The following SLC25A26 variants were observed in gnomAD, a reference collection of about 807,000 sequenced individuals.
The protein encoded by SLC25A26 is mitochondrial S-adenosylmethionine carrier protein.
A neutral mutation model predicts 37.8 loss-of-function variants in SLC25A26; 36 were observed. The observed-to-expected ratio is 0.95, with a 90% CI of 0.73 to 1.26. The LOEUF (loss-of-function observed/expected upper bound fraction) is 1.26, where lower values mean the gene tolerates loss of function less well. Ranked by LOEUF, SLC25A26 falls within the 50% of genes most tolerant of loss-of-function variation. The pLI, the probability that SLC25A26 is intolerant of heterozygous loss-of-function variation, is 0.00. For missense variants in SLC25A26, 390 were observed against 331.1 expected, an observed-to-expected ratio of 1.18 and a Z score of -1.38; for synonymous variants, 129 against 122.5, an observed-to-expected ratio of 1.05 and a Z score of -0.35.
At chr3:66,298,020 C>G (rs374311898) in intron 5 of SLC25A26, among the ~76,000 whole-genome samples, 8 of 152,266 alleles carry the variant, frequency 5.3e-5, no homozygotes, top group African/African-American at 1.9e-4. Context: ...AGTACAGTCC[C>G]TCCACGAATA....
At chr3:66,161,432 G>A (rs998196859) in intron 1 of SLC25A26, among the ~76,000 whole-genome samples, 1 of 152,130 alleles carries the variant, frequency 6.6e-6, no homozygotes, top group Non-Finnish European at 1.5e-5. Flanking sequence ...TGGGAAATGT[G>A]ATCCAGAAAT....
At chr3:66,364,856 C>T (rs2076791679) in intron 7 of SLC25A26, among the ~76,000 whole-genome samples, 2 of 152,068 alleles carry the variant, frequency 1.3e-5, no homozygotes, top group South Asian at 4.1e-4. Flanking sequence ...TTATTTTTTT[C>T]TGCTGAAGTT....
intron 1 of SLC25A26, among the ~76,000 whole-genome samples, chr3:66,214,261 C>G (rs1054235699): frequency 3.3e-5 from 5 of 152,096 alleles, no homozygotes; most frequent in African/African-American, 1.2e-4. Flanking sequence ...ATGCCTACCC[C>G]CACCCCACCT....
chr3:66,311,388 C>G (rs534128339), intron 5 of SLC25A26, among the ~76,000 whole-genome samples: 5 of 152,146 alleles, frequency 3.3e-5, no homozygotes, highest in South Asian at 2.1e-4. Flanking sequence ...TTAGCTGTTC[C>G]TGTAACCTTT....
At chr3:66,355,127 G>C (rs1575602951) in intron 6 of SLC25A26, among the ~76,000 whole-genome samples, 1 of 152,078 alleles carries the variant, frequency 6.6e-6, no homozygotes, top group African/African-American at 2.4e-5. Flanking sequence ...AAATATCACT[G>C]TATAAACTCT....
chr3:66,296,409 T>A (rs541418097), intron 5 of SLC25A26, among the ~76,000 whole-genome samples: 2 of 152,224 alleles, frequency 1.3e-5, no homozygotes, highest in Non-Finnish European at 2.9e-5. Flanking sequence ...TTTCCTGATA[T>A]ACATGCATTT....
chr3:66,283,291 CTTTTTTCTTGA>C (rs369512275), intron 5 of SLC25A26, among the ~76,000 whole-genome samples: 21 of 152,074 alleles, frequency 1.4e-4, no homozygotes, highest in African/African-American at 5.1e-4. Flanking sequence ...TCTTTTCTTT[CTTTTTTCTTGA>C]GACAAGGTCT....
chr3:66,282,026 A>G (rs1237826668), intron 5 of SLC25A26, among the ~76,000 whole-genome samples: 6 of 79,318 alleles, frequency 7.6e-5, no homozygotes, highest in Admixed American at 1.8e-4. Context: ...TTTTTTTGAG[A>G]CGGAGTCTCG....
intron 5 of SLC25A26, among the ~76,000 whole-genome samples, chr3:66,317,899 C>T (rs139415013): frequency 6.6e-6 from 1 of 152,314 alleles, no homozygotes; most frequent in African/African-American, 2.4e-5. Flanking sequence ...AGAACTGACC[C>T]AGCCGCTGTA....
At chr3:66,340,788 A>G (rs1190470246) in intron 5 of SLC25A26, among the ~76,000 whole-genome samples, 1 of 151,984 alleles carries the variant, frequency 6.6e-6, no homozygotes, top group African/African-American at 2.4e-5. Flanking sequence ...CTCCACCTTT[A>G]TTACATCTTT....
chr3:66,192,982 C>T (rs1000711367), intron 1 of SLC25A26, among the ~76,000 whole-genome samples: 2 of 151,896 alleles, frequency 1.3e-5, no homozygotes, highest in African/African-American at 2.4e-5. Context: ...AGAAATATTC[C>T]CTTAATTAGA....
chr3:66,146,684 A>G (rs892364719), intron 1 of SLC25A26, among the ~76,000 whole-genome samples: 2 of 152,120 alleles, frequency 1.3e-5, no homozygotes, highest in African/African-American at 4.8e-5. Context: ...CACATTCAGG[A>G]TTTTTTTAAA....
intron 5 of SLC25A26, among the ~76,000 whole-genome samples, chr3:66,288,811 G>C (rs1338347046): frequency 6.6e-6 from 1 of 152,122 alleles, no homozygotes; most frequent in Non-Finnish European, 1.5e-5. Flanking sequence ...CTTTATAGTA[G>C]AATGATATAT....
chr3:66,267,821 G>A (rs770859140), intron 5 of SLC25A26, among the ~76,000 whole-genome samples: 5 of 152,134 alleles, frequency 3.3e-5, no homozygotes, highest in African/African-American at 4.8e-5. Flanking sequence ...AGTGGATATG[G>A]CAGCTTTTCA....
At chr3:66,345,718 C>T (rs563645715) in intron 5 of SLC25A26, among the ~76,000 whole-genome samples, 13 of 152,266 alleles carry the variant, frequency 8.5e-5, no homozygotes, top group Admixed American at 7.2e-4. Flanking sequence ...TCCTTTAAAT[C>T]CTAACACTGC....
chr3:66,262,093 A>G lies in SLC25A26; in HGVS notation c.343A>G (p.Arg115Gly), dbSNP rs1198713188. The change falls in exon 4 of 10, where the codon AGG becomes GGG. Residue 115 changes from arginine (R) to glycine (G), a missense_variant. Physicochemically the swap from Arg to Gly is moderately radical, Grantham distance 125. Transcript: ENST00000354883. The part of the protein sequence containing the change: ...IRVPSEVVKQ[R>G]AQVSASTRTF... ...AGTTCCATCTGAAGTGGTTAAGCAG[A>G]GGGCACAGGTATCTGCTTCTACAAG... The G allele has an allele frequency of 7.5e-6, 12 of 1,590,760 alleles. No individual in the cohort carries two copies. In the Admixed American group the frequency reaches 1.4e-4, roughly 19 times the overall value.
intron 5 of SLC25A26, among the ~76,000 whole-genome samples, chr3:66,327,516 G>A (rs1415014632): frequency 6.6e-6 from 1 of 152,042 alleles, no homozygotes; most frequent in African/African-American, 2.4e-5. Context: ...AAATAAAAAT[G>A]AAACGTGTAT....
At chr3:66,147,550 T>G (rs966552849) in intron 1 of SLC25A26, among the ~76,000 whole-genome samples, 4 of 152,102 alleles carry the variant, frequency 2.6e-5, no homozygotes, top group African/African-American at 4.8e-5. Context: ...TATAAATGTG[T>G]GTGCATGTGT....
chr3:66,279,620 G>T (rs1202930471), intron 5 of SLC25A26, among the ~76,000 whole-genome samples: 1 of 152,084 alleles, frequency 6.6e-6, no homozygotes, highest in African/African-American at 2.4e-5. Flanking sequence ...TGATTCTTTG[G>T]CCTCAAATGT....
Sources: gnomAD v4.1 joint callset for allele counts (sites outside exome capture counted in the v4.1 genomes callset) on GRCh38, gnomAD v4.1.1 for gene constraint, MANE v1.5 for transcripts, NCBI Gene and HGNC (gene_info 2026-07-23, HGNC 2026-07-21) for gene names.